The following CCDC180 variants were observed in gnomAD, a reference collection of about 807,000 sequenced individuals.
CCDC180 encodes the protein coiled-coil domain containing 180.
In CCDC180, 154 loss-of-function variants were observed where a neutral mutation model predicts 209.2. The ratio of observed to expected loss-of-function variants is 0.74; its 90% CI spans 0.65 to 0.84. The LOEUF (loss-of-function observed/expected upper bound fraction) is 0.84, where lower values mean the gene tolerates loss of function less well. CCDC180 is among the 40% of genes least tolerant of loss of function. CCDC180 has a pLI of 0.00. For synonymous variants in CCDC180, 778 were observed against 749.1 expected, an observed-to-expected ratio of 1.04 and a Z score of -0.63; for missense variants, 1,874 against 1,997.3, an observed-to-expected ratio of 0.94 and a Z score of 1.18.
At chr9:97,357,842 G>C (rs529559490) in intron 25 of CCDC180, 117 bp downstream of exon 25, 20 of 756,730 alleles carry the variant, frequency 2.6e-5, no homozygotes, top group Admixed American at 2.0e-4. Context: ...TTGGCGGGGT[G>C]GGGGGACATC....
intron 18 of CCDC180, among the ~76,000 whole-genome samples, chr9:97,333,508 T>TGG (rs1554729204): frequency 4.3e-5 from 3 of 69,128 alleles, no homozygotes; most frequent in African/African-American, 1.6e-4. Flanking sequence ...TTTGGGTTTT[T>TGG]TTTTTTTTTT....
chr9:97,375,916 G>T lies in CCDC180; in HGVS notation c.4842+327G>T, dbSNP rs574142069. 3.4e-4 allele frequency: 109 copies of T among 317,336 alleles called. No individual in the cohort carries two copies. The Middle Eastern group carries it at 4.8e-3, about 14-fold the overall frequency. The allele number at this position is 317,336 out of a possible 1,614,324, so 19.7% of individuals were successfully genotyped here. On this transcript the variant is annotated intron_variant, in intron 36 of 36. Transcript: ENST00000529487. ...GTCACCAGGCACGGAAGCAATGGTA[G>T]CCGTAGGCTCAGGGGGGACACAGCA...
chr9:97,333,218 A>T (rs1692930774), intron 18 of CCDC180, among the ~76,000 whole-genome samples: 1 of 152,220 alleles, frequency 6.6e-6, no homozygotes, highest in South Asian at 2.1e-4. Context: ...GATAAAGCCT[A>T]CTTGATCATG....
At chr9:97,370,930 T>C in intron 33 of CCDC180, 152 bp downstream of exon 33, 10 of 501,942 alleles carry the variant, frequency 2.0e-5, no homozygotes, top group East Asian at 1.1e-4. Context: ...TGGCCATTAT[T>C]GGCTGTTTTA....
chr9:97,322,245 A>G (rs1324986693), intron 11 of CCDC180, among the ~76,000 whole-genome samples: 1 of 152,122 alleles, frequency 6.6e-6, no homozygotes, highest in African/African-American at 2.4e-5. Flanking sequence ...ATCTATACCT[A>G]GCTGCCATCC....
At chr9:97,348,087 A>C (rs1826321577) in intron 20 of CCDC180, among the ~76,000 whole-genome samples, 1 of 138,304 alleles carries the variant, frequency 7.2e-6, no homozygotes, top group African/African-American at 2.7e-5. Flanking sequence ...CATGCATTTC[A>C]CACCTATGTG....
rs1426860924 is a variant in CCDC180 at position 97,366,001 on chromosome 9, C to T, written c.4047+262C>T. ...CTGTGTGTGCCAAGAGGAACAAGCCCATCCTCTGTCCCCAAGGCACCCAGG... is the reference window on the plus strand; with the variant it reads ...CTGTGTGTGCCAAGAGGAACAAGCCTATCCTCTGTCCCCAAGGCACCCAGG... On this transcript the variant is annotated intron_variant, in intron 30 of 36. Coordinates refer to ENST00000529487, the MANE Select transcript of CCDC180 (RefSeq NM_020893.6). The surrounding 1 kb of genome is among the most constrained non-coding windows in gnomAD (Gnocchi z 4.3). Among the ~76,000 whole-genome samples, 1 of 152,194 alleles carries T rather than the reference C, an allele frequency of 6.6e-6. No homozygotes were observed. The highest frequency in any genetic ancestry group is 1.9e-4 in the East Asian group (1 of 5,192).
At position 97,343,528 on chromosome 9, in the gene CCDC180, A is replaced by G; in HGVS notation, c.2463A>G (p.Thr821=). 1 of 1,613,908 alleles carries G rather than the reference A, an allele frequency of 6.2e-7. No homozygotes were observed. The highest frequency in any genetic ancestry group is 2.2e-5 in the East Asian group (1 of 44,888). ...TSSAKFIEQV[T]IPSRLILEIK... is the part of the protein sequence containing the mutation. The stretch of plus-strand genomic sequence containing the variant: ...GTGCCAAGTTCATAGAACAAGTGAC[A>G]ATTCCATCGAGACTAATTTTAGAAA... The change falls in exon 19 of 37, where the codon ACA becomes ACG. Residue 821 remains threonine, a synonymous_variant. Coordinates refer to ENST00000529487, the MANE Select transcript of CCDC180 (RefSeq NM_020893.6).
rs773602904 is a variant in CCDC180 at position 97,325,141 on chromosome 9, G to A, written c.1494G>A (p.Glu498=). 6.2e-7 allele frequency: 1 copy of A among 1,611,882 alleles called. No homozygotes were observed. Among genetic ancestry groups the A allele is most frequent in the African/African-American group, 1.3e-5 (1 of 74,916 alleles). The change falls in exon 14 of 37, where the codon GAG becomes GAA. Residue 498 remains glutamate, a synonymous_variant. Coordinates refer to ENST00000529487, the MANE Select transcript of CCDC180 (RefSeq NM_020893.6). ...GCGAGCTGTTGGTGCAGGAGCTGGA[G>A]CTGGAGAAGAGGATGGAGCAGCACC... ...HQSELLVQEL[E]LEKRMEQHRQ...
At chr9:97,323,995 C>CT (rs2118627222) in intron 13 of CCDC180, 92 bp downstream of exon 13, 1 of 1,433,982 alleles carries the variant, frequency 7.0e-7, no homozygotes, top group Non-Finnish European at 9.4e-7. Flanking sequence ...AGAACTCCAA[C>CT]TTGCATGTTC....
intron 3 of CCDC180, 98 bp from the exon 4 acceptor site, chr9:97,312,015 G>A: frequency 2.0e-6 from 2 of 989,476 alleles, no homozygotes; most frequent in Non-Finnish European, 3.2e-6. Flanking sequence ...GCTGCCCACA[G>A]TCCCTCTGGA....
chr9:97,355,475 C>T (rs1231887497), intron 24 of CCDC180, among the ~76,000 whole-genome samples: 1 of 152,172 alleles, frequency 6.6e-6, no homozygotes, highest in African/African-American at 2.4e-5. Flanking sequence ...ATCTTAATAA[C>T]TGCTAGTGTT....
chr9:97,355,394 G>A (rs550650206), intron 24 of CCDC180, among the ~76,000 whole-genome samples: 4 of 152,188 alleles, frequency 2.6e-5, no homozygotes, highest in South Asian at 2.1e-4. Context: ...GGGCTCAAGC[G>A]ATCCTCCTGC....
chr9:97,363,886 G>A, intron 28 of CCDC180, 165 bp from the exon 29 acceptor site: 2 of 638,952 alleles, frequency 3.1e-6, no homozygotes, highest in South Asian at 3.9e-5. Context: ...ACTCACAGCT[G>A]TTGAGAAGGG....
chr9:97,358,863 G>C (rs2118856392), intron 25 of CCDC180, among the ~76,000 whole-genome samples: 1 of 152,256 alleles, frequency 6.6e-6, no homozygotes. Flanking sequence ...CAGTGACTCT[G>C]AGTTGCAGTT....
Position 97,328,032 on chromosome 9 carries a change from T to G in CCDC180, c.1674T>G (p.Phe558Leu). Residue 558 changes from phenylalanine to leucine, a missense_variant, in exon 16 of 37, where the codon TTT becomes TTG. By Grantham distance (22) the Phe-to-Leu change is conservative. Transcript: ENST00000529487. ...ACCTACCTCCCAGGTATGAATGTTTTCACACCCTCCTGACAAAGGAAGTGA... is the reference window on the plus strand; with the variant it reads ...ACCTACCTCCCAGGTATGAATGTTTGCACACCCTCCTGACAAAGGAAGTGA... ...LKNMKSRYEC[F>L]HTLLTKEVME... 1 of 1,613,822 alleles carries G rather than the reference T, an allele frequency of 6.2e-7. No homozygotes were observed. The highest frequency in any genetic ancestry group is 8.5e-7 in the Non-Finnish European group (1 of 1,179,826).
rs1826523474 is a variant in CCDC180 at position 97,354,702 on chromosome 9, T to C, written c.3136T>C (p.Tyr1046His). ...MLNMEKLENE[Y>H]LDQANDVINK... Reference sequence around the variant, plus strand: ...CAACATGGAGAAGTTGGAGAATGAGTACCTGGACCAGGTAGGGCCCCCAGC... The same window carrying C: ...CAACATGGAGAAGTTGGAGAATGAGCACCTGGACCAGGTAGGGCCCCCAGC... Residue 1046 changes from tyrosine (Y) to histidine (H), a missense_variant, in exon 23 of 37, where the codon TAC becomes CAC. Coordinates refer to ENST00000529487, the MANE Select transcript of CCDC180 (RefSeq NM_020893.6). 1.2e-6 allele frequency: 2 copies of C among 1,614,196 alleles called. No individual in the cohort carries two copies. The highest frequency in any genetic ancestry group is 8.5e-7 in the Non-Finnish European group (1 of 1,180,048).
At chr9:97,364,697 C>T (rs1473368899) in intron 29 of CCDC180, 4 of 155,108 alleles carry the variant, frequency 2.6e-5, no homozygotes, top group African/African-American at 9.7e-5. Context: ...TGACATCAGG[C>T]AACCCAGGTG....
In CCDC180 at chr9:97,314,725, T is replaced by A. The variant is rs763168905; in HGVS notation, c.696T>A (p.Asp232Glu). 7 of 1,613,632 alleles carry A rather than the reference T, an allele frequency of 4.3e-6. No homozygotes were observed. Among genetic ancestry groups the A allele is most frequent in the South Asian group, 3.3e-5 (3 of 91,032 alleles). Residue 232 changes from aspartate (D) to glutamate (E), a missense_variant, in exon 7 of 37, where the codon GAT becomes GAA. Physicochemically the swap from Asp to Glu is conservative, Grantham distance 45. Transcript: ENST00000529487. ...ACTCGCTGGAGTTCTCCCGAACCGA[T>A]AAAGTAAGTCGGCTGCAGGTGGGCT... is the stretch of plus-strand genomic sequence containing the variant. Reference protein sequence around the residue: ...ALHSLEFSRTDKLKSVLKKYA... With the variant: ...ALHSLEFSRTEKLKSVLKKYA...
Sources: gnomAD v4.1 joint callset for allele counts (sites outside exome capture counted in the v4.1 genomes callset) on GRCh38, gnomAD v4.1.1 for gene constraint, Gnocchi (gnomAD v3.1) non-coding constraint, MANE v1.5 for transcripts, NCBI Gene and HGNC (gene_info 2026-07-23, HGNC 2026-07-21) for gene names.